Variants in VDAC1 observed in about 807,000 individuals in gnomAD.
VDAC1 encodes voltage dependent anion channel 1.
A neutral mutation model predicts 34.7 loss-of-function variants in VDAC1; 10 were observed. The ratio of observed to expected loss-of-function variants is 0.29; its 90% CI spans 0.18 to 0.49. The LOEUF is 0.49. VDAC1 is among the 20% of genes least tolerant of loss of function. VDAC1 has a pLI of 0.99. For missense variants in VDAC1, 230 were observed against 347.9 expected, an observed-to-expected ratio of 0.66 and a Z score of 2.69; for synonymous variants, 130 against 136.0, an observed-to-expected ratio of 0.96 and a Z score of 0.30.
At chr5:134,020,423 AC>A in the VDAC1 span, among the ~76,000 whole-genome samples, 12 of 150,982 alleles carry the variant, frequency 7.9e-5, no homozygotes, top group Non-Finnish European at 1.3e-4. Context: ...CCCCATCACC[AC>A]AGCCAAGGAC....
At chr5:134,006,291 G>C (rs1222512489), upstream of VDAC1, among the ~76,000 whole-genome samples, 1 of 152,180 alleles carries the variant, frequency 6.6e-6, no homozygotes, top group Non-Finnish European at 1.5e-5. Context: ...TGGTGGGCAG[G>C]GGGAGGACAA....
chr5:134,025,570 TTCCCTCTC>T, the VDAC1 span, among the ~76,000 whole-genome samples: 3 of 151,112 alleles, frequency 2.0e-5, no homozygotes, highest in African/African-American at 7.3e-5. Context: ...GAGGTGATGT[TTCCCTCTC>T]TCCCTCTCTC....
chr5:133,979,447 T>TTTTTTTTTTTTG (rs1752605993), intron 6 of VDAC1, among the ~76,000 whole-genome samples: 1 of 142,134 alleles, frequency 7.0e-6, no homozygotes. Flanking sequence ...TTTTTTTTTT[T>TTTTTTTTTTTTG]GAGACGGAGT....
At chr5:134,084,923 C>T in the VDAC1 span, among the ~76,000 whole-genome samples, 2 of 152,212 alleles carry the variant, frequency 1.3e-5, no homozygotes, top group African/African-American at 4.8e-5. Context: ...CCTAGTGTCA[C>T]ACAGCCAGTA....
At chr5:133,981,126 C>T (rs529411952) in intron 5 of VDAC1, 170 bp from the exon 6 acceptor site, 3 of 605,656 alleles carry the variant, frequency 5.0e-6, no homozygotes, top group East Asian at 5.5e-5. Context: ...AGGACACAAC[C>T]TCTCTTCCAC....
intron 5 of VDAC1, among the ~76,000 whole-genome samples, chr5:133,989,617 C>T (rs1753026516): frequency 6.6e-6 from 1 of 152,016 alleles, no homozygotes; most frequent in African/African-American, 2.4e-5. Context: ...ACCTCAGCCT[C>T]CCAAAGTGCT....
the VDAC1 span, among the ~76,000 whole-genome samples, chr5:134,021,877 T>C: frequency 3.1e-5 from 1 of 32,576 alleles, no homozygotes; most frequent in African/African-American, 6.4e-5. Flanking sequence ...AAGCCTGTGA[T>C]TTTTTTTTTT....
intron 6 of VDAC1, among the ~76,000 whole-genome samples, chr5:133,977,019 G>A (rs1752508309): frequency 6.6e-6 from 1 of 152,184 alleles, no homozygotes; most frequent in African/African-American, 2.4e-5. Flanking sequence ...ACTCCAGTCT[G>A]GGTGACAGAG....
chr5:133,980,682 T>G (rs759062932), intron 6 of VDAC1, 47 bp downstream of exon 6: 3 of 797,820 alleles, frequency 3.8e-6, no homozygotes, highest in Admixed American at 4.3e-5. Context: ...TTACCACACA[T>G]GCTCCAACCC....
intron 5 of VDAC1, among the ~76,000 whole-genome samples, chr5:133,982,143 G>A (rs563308806): frequency 7.9e-5 from 12 of 152,304 alleles, no homozygotes; most frequent in Non-Finnish European, 1.3e-4. Flanking sequence ...CGACAATGGA[G>A]CAATGTGAGC....
chr5:133,982,985 C>A (rs576349848), intron 5 of VDAC1, among the ~76,000 whole-genome samples: 2 of 151,746 alleles, frequency 1.3e-5, no homozygotes, highest in East Asian at 1.9e-4. Context: ...CGCAGTGGCT[C>A]ATGCCTGTAA....
At chr5:134,104,808 A>AC in the VDAC1 span, among the ~76,000 whole-genome samples, 1 of 152,260 alleles carries the variant, frequency 6.6e-6, no homozygotes. Context: ...ACAGGGGCCC[A>AC]CCAGTGACCC....
rs1294417995 is a variant in VDAC1 at position 133,972,421 on chromosome 5, C to T, written c.*350G>A. On this transcript the variant is annotated 3_prime_UTR_variant, in exon 9 of 9. Coordinates refer to ENST00000265333, the MANE Select transcript of VDAC1 (RefSeq NM_003374.3). ...CAATTAGGGTTAGGGAACCAAGGTT[C>T]GATTCTCAGGAAATCACAATTTCAT... The T allele has an allele frequency of 4.7e-6, 2 of 426,008 alleles. No homozygotes were observed. Among genetic ancestry groups the T allele is most frequent in the Middle Eastern group, 6.0e-4 (1 of 1,676 alleles). The allele number at this position is 426,008 out of a possible 1,614,324, so 26.4% of individuals were successfully genotyped here.
the VDAC1 span, among the ~76,000 whole-genome samples, chr5:134,076,556 C>T: frequency 3.9e-5 from 6 of 152,222 alleles, no homozygotes; most frequent in African/African-American, 9.7e-5. Flanking sequence ...CAGCACAGCC[C>T]AGTACCCAGT....
chr5:134,106,414 C>CTTTTTTTTTTTTTTTTTTTTTTTT, the VDAC1 span, among the ~76,000 whole-genome samples: 2 of 146,550 alleles, frequency 1.4e-5, 1 homozygote, highest in Non-Finnish European at 3.0e-5. Context: ...TTGTCATCCT[C>CTTTTTTTTTTTTTTTTTTTTTTTT]TTTTTTTTTT....
intron 6 of VDAC1, among the ~76,000 whole-genome samples, chr5:133,979,019 TAATA>T (rs1044428453): frequency 5.9e-5 from 9 of 152,024 alleles, no homozygotes; most frequent in East Asian, 1.9e-4. Context: ...AAAATAATAA[TAATA>T]AATAAATAAA....
At chr5:134,079,481 CG>C in the VDAC1 span, among the ~76,000 whole-genome samples, 10 of 151,858 alleles carry the variant, frequency 6.6e-5, no homozygotes, top group Non-Finnish European at 1.0e-4. Flanking sequence ...AGTCTCCACT[CG>C]GGGTGGAGAA....
the VDAC1 span, among the ~76,000 whole-genome samples, chr5:134,093,501 G>T: frequency 1.3e-5 from 2 of 152,080 alleles, no homozygotes; most frequent in Admixed American, 1.3e-4. Context: ...GCCAGGGCAG[G>T]CTGTCCCCTC....
At chr5:134,006,750 A>ACCCCCC (rs1561605416), upstream of VDAC1, among the ~76,000 whole-genome samples, 3 of 64,876 alleles carry the variant, frequency 4.6e-5, no homozygotes, top group African/African-American at 2.1e-4. Flanking sequence ...CCCCCCCCCA[A>ACCCCCC]AAAAAAAAAA....
Sources: allele counts gnomAD v4.1 joint callset (sites outside exome capture counted in the v4.1 genomes callset), GRCh38; gene constraint gnomAD v4.1.1; transcripts MANE v1.5; gene names NCBI Gene and HGNC (gene_info 2026-07-23, HGNC 2026-07-21).